The following DCLRE1B variants were observed in gnomAD, a reference collection of about 807,000 sequenced individuals.
DCLRE1B encodes DNA cross-link repair 1B.
A neutral mutation model predicts 19.8 loss-of-function variants in DCLRE1B; 6 were observed. The observed-to-expected ratio is 0.30, with a 90% confidence interval of 0.17 to 0.60. The LOEUF (loss-of-function observed/expected upper bound fraction) is 0.60. Ranked by LOEUF, DCLRE1B falls within the 20% of genes least tolerant of loss-of-function variation. The pLI, the probability that DCLRE1B is intolerant of heterozygous loss-of-function variation, is 0.87. For missense variants in DCLRE1B, 622 were observed against 654.2 expected (o/e 0.95, Z 0.54); for synonymous variants, 258 against 255.7 (o/e 1.01, Z -0.09).
At position 113,911,452 on chromosome 1, in the gene DCLRE1B, C is replaced by T. The variant is rs1353860897; in HGVS notation, c.860C>T (p.Ala287Val). 4 of 1,614,208 alleles carry T rather than the reference C, an allele frequency of 2.5e-6. No individual in the cohort carries two copies. The highest frequency in any genetic ancestry group is 2.5e-6 in the Non-Finnish European group (3 of 1,180,038). Reference protein sequence around the residue: ...SSYSELRAFVAALKPCQVVPI... With the variant: ...SSYSELRAFVVALKPCQVVPI... ...TACTCCGAGCTTCGTGCCTTTGTCG[C>T]AGCACTGAAGCCTTGCCAGGTGGTG... Residue 287 changes from alanine (A) to valine (V), a missense_variant, in exon 4 of 4, where the codon GCA (alanine) becomes GTA (valine). By Grantham distance (64) the Ala-to-Val change is moderately conservative. Around this residue, in one of 3 missense-constraint regions of DCLRE1B, gnomAD observed 382 missense variants for 412.5 expected, o/e 0.93. Transcript: ENST00000650450.
chr1:113,912,964 A>G lies in DCLRE1B; in HGVS notation c.*773A>G, dbSNP rs1462708060. The G allele has an allele frequency of 2.0e-5, 3 of 152,738 alleles. No individual in the cohort carries two copies. The allele number at this position is 152,738 out of a possible 1,614,324, so 9.5% of individuals were successfully genotyped here. On this transcript the variant is annotated 3_prime_UTR_variant, in exon 4 of 4. Transcript: ENST00000650450. The stretch of plus-strand genomic sequence containing the variant: ...GGCTTTGGGTGTGAAGGGACTCCCC[A>G]GCCTGGAGACCCTATTTGGCTGAAA...
In DCLRE1B at chr1:113,911,453, A is replaced by C; in HGVS notation, c.861A>C (p.Ala287=). 6.2e-7 allele frequency: 1 copy of C among 1,614,116 alleles called. No homozygotes were observed. The highest frequency in any genetic ancestry group is 8.5e-7 in the Non-Finnish European group (1 of 1,180,024). ...ACTCCGAGCTTCGTGCCTTTGTCGCAGCACTGAAGCCTTGCCAGGTGGTGC... is the reference window on the plus strand; with the variant it reads ...ACTCCGAGCTTCGTGCCTTTGTCGCCGCACTGAAGCCTTGCCAGGTGGTGC... ...SSYSELRAFV[A]ALKPCQVVPI... is the part of the protein sequence containing the mutation. Residue 287 remains alanine (A), a synonymous_variant, in exon 4 of 4, where the codon GCA becomes GCC. Coordinates refer to ENST00000650450, the MANE Select transcript of DCLRE1B (RefSeq NM_022836.4).
rs770223898 is a variant in DCLRE1B at position 113,911,952 on chromosome 1, G to A, written c.1360G>A (p.Gly454Arg). ...AAAAACCAGGGAGGAAATTGGTTTAGGGTCCCCCTTGGTACCCATGGGAGA... is the reference window on the plus strand; with the variant it reads ...AAAAACCAGGGAGGAAATTGGTTTAAGGTCCCCCTTGGTACCCATGGGAGA... ...SQKTREEIGL[G>R]SPLVPMGDDD... Residue 454 changes from glycine to arginine, a missense_variant, in exon 4 of 4, where the codon GGG becomes AGG. Around this residue, in one of 3 missense-constraint regions of DCLRE1B, gnomAD observed 382 missense variants for 412.5 expected, o/e 0.93. Transcript: ENST00000650450. The A allele has an allele frequency of 3.7e-6, 6 of 1,614,062 alleles. No individual in the cohort carries two copies. In the African/African-American group the frequency reaches 6.7e-5, roughly 18 times the overall value.
Position 113,907,212 on chromosome 1 carries a change from T to C in DCLRE1B, c.355+51T>C, listed in dbSNP as rs748963258. 7.0e-6 allele frequency: 7 copies of C among 1,002,720 alleles called. No individual in the cohort carries two copies. The South Asian group carries it at 1.2e-4, about 17-fold the overall frequency. 62.1% of individuals were successfully genotyped at this position (1,002,720 alleles called of 1,614,324 possible). ...ACTTCTCCAGACTAGATGTTTTTTT[T>C]TTTTTTTTTTTTTTTTTTTTTTAAT... On this transcript the variant is annotated intron_variant, in intron 2 of 3. Transcript: ENST00000650450.
intron 3 of DCLRE1B, 99 bp from the exon 4 acceptor site, chr1:113,911,032 A>G (rs1669230935): frequency 3.6e-6 from 4 of 1,119,934 alleles, no homozygotes; most frequent in East Asian, 2.4e-5. Context: ...CATGAATTGT[A>G]TCTATTTTTG....
rs867382818 is a variant in DCLRE1B, at chr1:113,907,555, C to T, written c.355+394C>T. Among the ~76,000 whole-genome samples the T allele has an allele frequency of 3.9e-5, 6 of 152,062 alleles. No homozygotes were observed. In the East Asian group the frequency reaches 5.8e-4, roughly 15 times the overall value. On this transcript the variant is annotated intron_variant, in intron 2 of 3. Transcript: ENST00000650450. Reference sequence around the variant, plus strand: ...CGTGATTGTGGCTCACTGCAACCTCCGCCTTCTGGGTTCAAGTGATTCTCT... The same window carrying T: ...CGTGATTGTGGCTCACTGCAACCTCTGCCTTCTGGGTTCAAGTGATTCTCT...
At position 113,905,466 on chromosome 1, in the gene DCLRE1B, T is replaced by TA; in HGVS notation, c.-120dup. ...TATTGCTCTGCTGGGCTCTTTCCCT[T>TA]AGGGTCTCTGGCCCTGTTCTTGCCC... On this transcript the variant is annotated 5_prime_UTR_variant, in exon 1 of 4. Transcript: ENST00000650450. The TA allele has an allele frequency of 1.0e-6, 1 of 994,660 alleles. No individual in the cohort carries two copies. Among genetic ancestry groups the TA allele is most frequent in the East Asian group, 2.4e-5 (1 of 41,476 alleles). 61.6% of individuals were successfully genotyped at this position (994,660 alleles called of 1,614,324 possible).
chr1:113,906,959 A>G, intron 1 of DCLRE1B, 37 bp from the exon 2 acceptor site: 1 of 1,611,128 alleles, frequency 6.2e-7, no homozygotes. Flanking sequence ...AACGGAGAGG[A>G]GTCAGTGGTC....
In DCLRE1B at chr1:113,913,619, CT is replaced by C. The variant is rs1201963447; in HGVS notation, c.*1429del. 1 of 152,660 alleles carries C rather than the reference CT, an allele frequency of 6.6e-6. No homozygotes were observed. Among genetic ancestry groups the C allele is most frequent in the Non-Finnish European group, 1.5e-5 (1 of 68,038 alleles). 9.5% of individuals were successfully genotyped at this position (152,660 alleles called of 1,614,324 possible). A position where few individuals can be genotyped will look rare whatever the true frequency, so the allele number is the denominator to read the frequency against. On this transcript the variant is annotated 3_prime_UTR_variant, in exon 4 of 4. Coordinates refer to ENST00000650450, the MANE Select transcript of DCLRE1B (RefSeq NM_022836.4). ...TGTAAGATGGACTTGAGATTCCTAC[CT>C]CTCATGATTACTATGGAGATTGAAT... is the stretch of plus-strand genomic sequence containing the variant.
In DCLRE1B at chr1:113,905,441, T is replaced by G. The variant is rs1668858821; in HGVS notation, c.-146T>G. 1.3e-5 allele frequency: 10 copies of G among 794,506 alleles called. No individual in the cohort carries two copies. Among genetic ancestry groups the G allele is most frequent in the Non-Finnish European group, 2.0e-5 (10 of 498,310 alleles). 49.2% of individuals were successfully genotyped at this position (794,506 alleles called of 1,614,324 possible). A position where few individuals can be genotyped will look rare whatever the true frequency, so the allele number is the denominator to read the frequency against. ...CCTTTTTCTGCCCACTCTGGTAACTTATTGCTCTGCTGGGCTCTTTCCCTT... is the reference window on the plus strand; with the variant it reads ...CCTTTTTCTGCCCACTCTGGTAACTGATTGCTCTGCTGGGCTCTTTCCCTT... On this transcript the variant is annotated 5_prime_UTR_variant, in exon 1 of 4. Coordinates refer to ENST00000650450, the MANE Select transcript of DCLRE1B (RefSeq NM_022836.4).
At chr1:113,910,033 T>A (rs1038139805) in intron 3 of DCLRE1B, among the ~76,000 whole-genome samples, 4 of 152,244 alleles carry the variant, frequency 2.6e-5, no homozygotes, top group Non-Finnish European at 5.9e-5. Context: ...ATCTCCCATA[T>A]CTGTTACCAT....
upstream of DCLRE1B, chr1:113,904,684 C>T: frequency 1.2e-6 from 2 of 1,612,760 alleles, no homozygotes; most frequent in Non-Finnish European, 1.7e-6. Context: ...TTCTTCAGCT[C>T]CTTCACCACG....
chr1:113,912,590 G>C lies in DCLRE1B; in HGVS notation c.*399G>C, dbSNP rs184248056. On this transcript the variant is annotated 3_prime_UTR_variant, in exon 4 of 4. Coordinates refer to ENST00000650450, the MANE Select transcript of DCLRE1B (RefSeq NM_022836.4). The stretch of plus-strand genomic sequence containing the variant: ...AATCAAAAAGGACCAGGTTATTGCT[G>C]TTGCTGTTTTGTGGTGTCATGAGCC... 3.0e-3 allele frequency: 479 copies of C among 159,096 alleles called. 4 individuals are homozygous for C. The highest frequency in any genetic ancestry group is 4.1e-3 in the Non-Finnish European group (295 of 72,594). 9.9% of individuals were successfully genotyped at this position (159,096 alleles called of 1,614,324 possible). A position where few individuals can be genotyped will look rare whatever the true frequency, so the allele number is the denominator to read the frequency against.
Position 113,912,945 on chromosome 1 carries a change from G to C in DCLRE1B, c.*754G>C, listed in dbSNP as rs1437795574. ...GAGCCCAGCTGAACAACAAGGCTTT[G>C]GGTGTGAAGGGACTCCCCAGCCTGG... On this transcript the variant is annotated 3_prime_UTR_variant, in exon 4 of 4. Transcript: ENST00000650450. 1 of 152,716 alleles carries C rather than the reference G, an allele frequency of 6.5e-6. No homozygotes were observed. The highest frequency in any genetic ancestry group is 6.5e-5 in the Admixed American group (1 of 15,278). 9.5% of individuals were successfully genotyped at this position (152,716 alleles called of 1,614,324 possible). A position where few individuals can be genotyped will look rare whatever the true frequency, so the allele number is the denominator to read the frequency against.
upstream of DCLRE1B, chr1:113,904,684 C>G: frequency 1.2e-6 from 2 of 1,612,760 alleles, no homozygotes; most frequent in Non-Finnish European, 1.7e-6. Context: ...TTCTTCAGCT[C>G]CTTCACCACG....
Position 113,911,132 on chromosome 1 carries a change from A to T in DCLRE1B, c.540A>T (p.Gly180=). ...RKHPQHNIKI[G]LYSLGKESLL... ...CCCAATACATTGAACATTATTTAGG[A>T]CTCTACAGCCTGGGAAAGGAATCAC... Residue 180 remains glycine (G), a splice_region_variant and synonymous_variant, in exon 4 of 4, where the codon GGA becomes GGT. Transcript: ENST00000650450. 6.2e-7 allele frequency: 1 copy of T among 1,612,160 alleles called. No individual in the cohort carries two copies. The highest frequency in any genetic ancestry group is 8.5e-7 in the Non-Finnish European group (1 of 1,179,222).
Position 113,905,681 on chromosome 1 carries a change from T to A in DCLRE1B, c.95T>A (p.Met32Lys). Residue 32 changes from methionine (M) to lysine (K), a missense_variant, in exon 1 of 4, where the codon ATG (methionine) becomes AAG (lysine). Met to Lys is a moderately conservative substitution (Grantham distance 95). Transcript: ENST00000650450. ...GCACGTCTCTTCTTCTTGTCTCACATGCACTCGGACCACACCGTGGGCCTG... is the reference window on the plus strand; with the variant it reads ...GCACGTCTCTTCTTCTTGTCTCACAAGCACTCGGACCACACCGTGGGCCTG... ...GTARLFFLSH[M>K]HSDHTVGLSS... The A allele has an allele frequency of 5.6e-6, 9 of 1,614,164 alleles. No homozygotes were observed. Among genetic ancestry groups the A allele is most frequent in the Non-Finnish European group, 7.6e-6 (9 of 1,180,026 alleles).
In DCLRE1B at chr1:113,905,608, C is replaced by A. The variant is rs769743986; in HGVS notation, c.22C>A (p.His8Asn). The change falls in exon 1 of 4, where the codon CAT (histidine) becomes AAT (asparagine). Residue 8 changes from histidine to asparagine, a missense_variant. Coordinates refer to ENST00000650450, the MANE Select transcript of DCLRE1B (RefSeq NM_022836.4). MNGVLIP[H>N]TPIAVDFWSL... ...CACCATGAATGGGGTCCTGATCCCC[C>A]ATACGCCCATCGCAGTGGACTTCTG... 6.2e-7 allele frequency: 1 copy of A among 1,614,082 alleles called. No individual in the cohort carries two copies. Among genetic ancestry groups the A allele is most frequent in the Admixed American group, 1.7e-5 (1 of 60,010 alleles).
upstream of DCLRE1B, chr1:113,905,040 C>T: frequency 2.5e-6 from 1 of 407,022 alleles, no homozygotes; most frequent in Non-Finnish European, 4.7e-6. Flanking sequence ...ACCGCAGACC[C>T]CTCCCTCTCC....
Sources: gnomAD v4.1 joint callset for allele counts (sites outside exome capture counted in the v4.1 genomes callset) on GRCh38, gnomAD v4.1.1 for gene constraint, gnomAD v4.1.1 regional missense constraint, MANE v1.5 for transcripts, NCBI Gene and HGNC (gene_info 2026-07-23, HGNC 2026-07-21) for gene names.